ITPR2: variants seen among roughly 807,000 people sequenced by gnomAD.
ITPR2 encodes the protein inositol 1,4,5-trisphosphate-gated calcium channel ITPR2.
A neutral mutation model predicts 317.1 loss-of-function variants in ITPR2; 207 were observed. The ratio of observed to expected loss-of-function variants is 0.65; its 90% CI spans 0.58 to 0.73. ITPR2 has a LOEUF of 0.73. Ranked by LOEUF, ITPR2 falls within the 30% of genes least tolerant of loss-of-function variation. The pLI, the probability that ITPR2 is intolerant of heterozygous loss-of-function variation, is 0.00. For missense variants in ITPR2, 2,613 were observed against 3,284.0 expected, an observed-to-expected ratio of 0.80 and a Z score of 4.99; for synonymous variants, 1,156 against 1,149.1, an observed-to-expected ratio of 1.01 and a Z score of -0.12.
At position 26,352,707 on chromosome 12, in the gene ITPR2, C is replaced by T. The variant is rs539811104; in HGVS notation, c.7858-12379G>A. 7.0e-4 allele frequency among the ~76,000 whole-genome samples: 106 copies of T among 152,316 alleles called. 1 individual carries two copies. Among genetic ancestry groups the T allele is most frequent in the African/African-American group, 2.5e-3 (104 of 41,560 alleles). Reference sequence around the variant, plus strand: ...AGTTTTCCCCTGGAGGATAAGAACGCATTCACAGAGCTCAAAATAGTTGGT... The same window carrying T: ...AGTTTTCCCCTGGAGGATAAGAACGTATTCACAGAGCTCAAAATAGTTGGT... On this transcript the variant is annotated intron_variant, in intron 55 of 56. Transcript: ENST00000381340.
At chr12:26,817,217 A>C (rs2137282999) in intron 1 of ITPR2, among the ~76,000 whole-genome samples, 1 of 151,820 alleles carries the variant, frequency 6.6e-6, no homozygotes, top group East Asian at 1.9e-4. Context: ...AGTACGAACA[A>C]AGCACAGAGC....
chr12:26,603,145 A>T (rs560530421), intron 26 of ITPR2, among the ~76,000 whole-genome samples: 164 of 152,348 alleles, frequency 1.1e-3, no homozygotes, highest in African/African-American at 3.8e-3. Flanking sequence ...AGCTGAGCAC[A>T]TCTCAGAGAA....
At chr12:26,768,431 AAAAT>A (rs1332583968) in intron 2 of ITPR2, among the ~76,000 whole-genome samples, 3 of 102,670 alleles carry the variant, frequency 2.9e-5, no homozygotes, top group African/African-American at 9.9e-5. Flanking sequence ...AAATTAAAAA[AAAAT>A]AAAAAATAAA....
intron 13 of ITPR2, among the ~76,000 whole-genome samples, chr12:26,670,720 G>A (rs1947747928): frequency 6.6e-6 from 1 of 152,210 alleles, no homozygotes; most frequent in South Asian, 2.1e-4. Flanking sequence ...TACGAGTTGA[G>A]AGAAGAAGGC....
intron 2 of ITPR2, among the ~76,000 whole-genome samples, chr12:26,726,206 A>G (rs936275997): frequency 4.6e-5 from 7 of 152,182 alleles, no homozygotes. Flanking sequence ...CCAGCTGACC[A>G]TTAGAGTCAT....
At chr12:26,677,027 AT>A (rs1006372464) in intron 13 of ITPR2, among the ~76,000 whole-genome samples, 2 of 152,128 alleles carry the variant, frequency 1.3e-5, no homozygotes, top group African/African-American at 2.4e-5. Context: ...GAGGGGGAAA[AT>A]AATAGTAACT....
At chr12:26,528,892 A>G (rs565349776) in intron 37 of ITPR2, among the ~76,000 whole-genome samples, 2 of 152,274 alleles carry the variant, frequency 1.3e-5, no homozygotes, top group South Asian at 2.1e-4. Flanking sequence ...TGGCACTTCC[A>G]TTCTTCCAGT....
chr12:26,671,213 T>A lies in ITPR2; in HGVS notation c.1410-5162A>T, dbSNP rs550724489. 1.7e-3 allele frequency among the ~76,000 whole-genome samples: 259 copies of A among 152,094 alleles called. 1 individual carries two copies. Among genetic ancestry groups the A allele is most frequent in the African/African-American group, 6.0e-3 (249 of 41,472 alleles). On this transcript the variant is annotated intron_variant, in intron 13 of 56. Coordinates refer to ENST00000381340, the MANE Select transcript of ITPR2 (RefSeq NM_002223.4). ...AATACAGAGAACGCCACAAAGATAC[T>A]CCTCAAGAAGAGCAACTCCAAGACA...
chr12:26,614,855 CTGTT>C (rs1301865539), intron 26 of ITPR2, among the ~76,000 whole-genome samples: 1 of 152,114 alleles, frequency 6.6e-6, no homozygotes, highest in Non-Finnish European at 1.5e-5. Flanking sequence ...TGAAGCTATT[CTGTT>C]TGACACTGCA....
At chr12:26,748,961 G>A (rs1592093734) in intron 2 of ITPR2, among the ~76,000 whole-genome samples, 1 of 152,298 alleles carries the variant, frequency 6.6e-6, no homozygotes, top group Non-Finnish European at 1.5e-5. Flanking sequence ...TCTAAAGAGC[G>A]TGAAGGAAAT....
intron 26 of ITPR2, among the ~76,000 whole-genome samples, chr12:26,618,546 A>G (rs1299095901): frequency 6.6e-6 from 1 of 152,246 alleles, no homozygotes; most frequent in Non-Finnish European, 1.5e-5. Flanking sequence ...AACACCCATC[A>G]TAAGGATAGG....
At position 26,832,783 on chromosome 12, in the gene ITPR2, C is replaced by G. The variant is rs780752806; in HGVS notation, c.-2G>C. 15 of 1,598,642 alleles carry G rather than the reference C, an allele frequency of 9.4e-6. No individual in the cohort carries two copies. The highest frequency in any genetic ancestry group is 1.4e-5 in the African/African-American group (1 of 72,964). ...GAAGCTGGACATTTTCTCAGTCATG[C>G]TGCTTCATGTTCCACAGTGGACGTC... On this transcript the variant is annotated 5_prime_UTR_variant, in exon 1 of 57. Coordinates refer to ENST00000381340, the MANE Select transcript of ITPR2 (RefSeq NM_002223.4).
intron 37 of ITPR2, among the ~76,000 whole-genome samples, chr12:26,532,934 C>T (rs1339348440): frequency 6.6e-6 from 1 of 152,036 alleles, no homozygotes; most frequent in East Asian, 1.9e-4. Context: ...GATCCACCCA[C>T]CTCGGCATCC....
At position 26,696,411 on chromosome 12, in the gene ITPR2, G is replaced by C. The variant is rs181352036; in HGVS notation, c.952-761C>G. On this transcript the variant is annotated intron_variant, in intron 9 of 56. Coordinates refer to ENST00000381340, the MANE Select transcript of ITPR2 (RefSeq NM_002223.4). ...TAATCATTTTAATGTGAATCAACTG[G>C]TGTATACAATGCACAATCCCAGTAA... is the stretch of plus-strand genomic sequence containing the variant. Among the ~76,000 whole-genome samples the C allele has an allele frequency of 3.9e-5, 6 of 152,206 alleles. No homozygotes were observed. In the East Asian group the frequency reaches 1.2e-3, roughly 29 times the overall value.
chr12:26,744,770 T>G (rs562091653), intron 2 of ITPR2, among the ~76,000 whole-genome samples: 1 of 152,322 alleles, frequency 6.6e-6, no homozygotes, highest in East Asian at 1.9e-4. Context: ...TTCACTGGAT[T>G]CTATTCATGA....
intron 35 of ITPR2, among the ~76,000 whole-genome samples, chr12:26,559,047 T>C (rs555517523): frequency 6.6e-6 from 1 of 152,238 alleles, no homozygotes; most frequent in Non-Finnish European, 1.5e-5. Flanking sequence ...ACTAAATACA[T>C]ACAAAATTAA....
At chr12:26,562,203 T>C (rs1944837410) in intron 34 of ITPR2, among the ~76,000 whole-genome samples, 1 of 152,248 alleles carries the variant, frequency 6.6e-6, no homozygotes, top group African/African-American at 2.4e-5. Flanking sequence ...AAATGTACTT[T>C]ATACAGCATC....
At position 26,549,696 on chromosome 12, in the gene ITPR2, C is replaced by T. The variant is rs561731110; in HGVS notation, c.5073+551G>A. Among the ~76,000 whole-genome samples, 175 of 152,096 alleles carry T rather than the reference C, an allele frequency of 1.2e-3. 1 individual carries two copies. The highest frequency in any genetic ancestry group is 3.9e-3 in the African/African-American group (164 of 41,524). ...GCTGTCATTTTTAATAACAGACTGA[C>T]AATTATTATCTATAGGTTGATATTT... On this transcript the variant is annotated intron_variant, in intron 37 of 56. Coordinates refer to ENST00000381340, the MANE Select transcript of ITPR2 (RefSeq NM_002223.4).
rs191966978 is a variant in ITPR2, at chr12:26,459,026, G to A, written c.6343-15376C>T. 9.4e-4 allele frequency among the ~76,000 whole-genome samples: 143 copies of A among 152,336 alleles called. 1 individual carries two copies. The highest frequency in any genetic ancestry group is 4.8e-3 in the South Asian group (23 of 4,824). ...CTAAATTCCTAGTCTGGTAGATAAA[G>A]AGCTGCTTTTGCAAACTGGACCCTG... On this transcript the variant is annotated intron_variant, in intron 45 of 56. Coordinates refer to ENST00000381340, the MANE Select transcript of ITPR2 (RefSeq NM_002223.4).
Sources: gnomAD v4.1 joint callset for allele counts (sites outside exome capture counted in the v4.1 genomes callset) on GRCh38, gnomAD v4.1.1 for gene constraint, MANE v1.5 for transcripts, NCBI Gene and HGNC (gene_info 2026-07-23, HGNC 2026-07-21) for gene names.